Variants in EMX2 observed in about 807,000 individuals in gnomAD.
EMX2 encodes empty spiracles homeobox 2, also known as homeobox protein EMX2.
A neutral mutation model predicts 23.0 loss-of-function variants in EMX2; 6 were observed. That is an observed-to-expected ratio of 0.26 (90% CI 0.14 to 0.52). The LOEUF (loss-of-function observed/expected upper bound fraction) is 0.52. EMX2 is among the 20% of genes least tolerant of loss of function. The pLI, the probability that EMX2 is intolerant of heterozygous loss-of-function variation, is 0.97. For synonymous variants in EMX2, 175 were observed against 153.3 expected, an observed-to-expected ratio of 1.14 and a Z score of -1.04; for missense variants, 302 against 341.4, an observed-to-expected ratio of 0.88 and a Z score of 0.91.
At chr10:117,547,797 C>T (rs1326637155) in intron 2 of EMX2, among the ~76,000 whole-genome samples, 1 of 152,242 alleles carries the variant, frequency 6.6e-6, no homozygotes, top group Middle Eastern at 3.2e-3. Context: ...AGAGATGGGG[C>T]TCAGTGCACT....
At position 117,545,556 on chromosome 10, in the gene EMX2, A is replaced by C. The variant is rs1363430569; in HGVS notation, c.407-76A>C. ...AAGGCCCTGAGCACGGTGCCGGGCCAGCCCGGCTCGGGAGAAGTGCGCGGC... is the reference window on the plus strand; with the variant it reads ...AAGGCCCTGAGCACGGTGCCGGGCCCGCCCGGCTCGGGAGAAGTGCGCGGC... On this transcript the variant is annotated intron_variant, in intron 1 of 2. Transcript: ENST00000553456. 3.8e-6 allele frequency: 6 copies of C among 1,585,832 alleles called. No individual in the cohort carries two copies. In the African/African-American group the frequency reaches 6.7e-5, roughly 18 times the overall value.
chr10:117,545,416 G>A (rs1490171543), intron 1 of EMX2, among the ~76,000 whole-genome samples: 3 of 152,170 alleles, frequency 2.0e-5, no homozygotes, highest in Non-Finnish European at 4.4e-5. Context: ...GCGGCTGGTT[G>A]GGTGCCGCAC....
Position 117,548,684 on chromosome 10 carries a change from G to A in EMX2, c.*452G>A. 1 of 414,110 alleles carries A rather than the reference G, an allele frequency of 2.4e-6. No homozygotes were observed. Among genetic ancestry groups the A allele is most frequent in the Non-Finnish European group, 4.3e-6 (1 of 234,802 alleles). 25.7% of individuals were successfully genotyped at this position (414,110 alleles called of 1,614,324 possible). On this transcript the variant is annotated 3_prime_UTR_variant, in exon 3 of 3. Coordinates refer to ENST00000553456, the MANE Select transcript of EMX2 (RefSeq NM_004098.4). ...CACAGTCCACTTAAAAAATGATGAT[G>A]ATGATAAAAACCACGACCCAACCAG...
chr10:117,548,384 G>A lies in EMX2; in HGVS notation c.*152G>A. The A allele has an allele frequency of 8.1e-7, 1 of 1,242,100 alleles. No individual in the cohort carries two copies. Among genetic ancestry groups the A allele is most frequent in the Non-Finnish European group, 1.1e-6 (1 of 904,448 alleles). 76.9% of individuals were successfully genotyped at this position (1,242,100 alleles called of 1,614,324 possible). On this transcript the variant is annotated 3_prime_UTR_variant, in exon 3 of 3. Coordinates refer to ENST00000553456, the MANE Select transcript of EMX2 (RefSeq NM_004098.4). ...ATCGGAGGGAGCAGCGGAATGCGGC[G>A]AAGACTCTGGACAGCGAGGGCACAG... is the stretch of plus-strand genomic sequence containing the variant.
rs1846618037 is a variant in EMX2 at position 117,548,770 on chromosome 10, T to A, written c.*538T>A. The A allele has an allele frequency of 4.9e-6, 2 of 405,468 alleles. No individual in the cohort carries two copies. Among genetic ancestry groups the A allele is most frequent in the Non-Finnish European group, 8.7e-6 (2 of 230,298 alleles). 25.1% of individuals were successfully genotyped at this position (405,468 alleles called of 1,614,324 possible). On this transcript the variant is annotated 3_prime_UTR_variant, in exon 3 of 3. Transcript: ENST00000553456. ...TTTCCCCCCCATCTTTAAAAATAAT[T>A]AGTAATAAAAAACAAAAATTCCATA...
intron 2 of EMX2, 138 bp downstream of exon 2, chr10:117,545,954 T>A: frequency 8.2e-7 from 1 of 1,225,816 alleles, no homozygotes. Context: ...ACGCCTGGGC[T>A]CGGGATGTAT....
intron 2 of EMX2, among the ~76,000 whole-genome samples, chr10:117,546,727 T>C (rs934307678): frequency 2.6e-5 from 4 of 152,220 alleles, no homozygotes; most frequent in Admixed American, 2.6e-4. Flanking sequence ...GCCTGGAGTC[T>C]TTGTGTGCGT....
intron 1 of EMX2, 149 bp downstream of exon 1, chr10:117,543,822 C>A: frequency 7.9e-7 from 1 of 1,262,162 alleles, no homozygotes; most frequent in Non-Finnish European, 1.1e-6. Flanking sequence ...CTAGGCGGCG[C>A]GGGGCCGGGC....
chr10:117,549,295 G>C lies in EMX2; in HGVS notation c.*1063G>C, dbSNP rs1456130533. On this transcript the variant is annotated 3_prime_UTR_variant, in exon 3 of 3. Coordinates refer to ENST00000553456, the MANE Select transcript of EMX2 (RefSeq NM_004098.4). ...AAATCTATCTATTGCAAAACCTGAA[G>C]GACTGTAGTTAGCGGGGATGATGTT... is the stretch of plus-strand genomic sequence containing the variant. The C allele has an allele frequency of 1.3e-5, 2 of 152,558 alleles. No individual in the cohort carries two copies. Among genetic ancestry groups the C allele is most frequent in the Non-Finnish European group, 2.9e-5 (2 of 68,044 alleles). 9.5% of individuals were successfully genotyped at this position (152,558 alleles called of 1,614,324 possible).
intron 1 of EMX2, chr10:117,545,109 C>G (rs1221297987): frequency 3.3e-5 from 5 of 152,318 alleles, no homozygotes; most frequent in Non-Finnish European, 7.3e-5. Flanking sequence ...GCTTCAACGA[C>G]TCGCCCCGCC....
Position 117,543,445 on chromosome 10 carries a change from G to T in EMX2, c.178G>T (p.Gly60Cys), listed in dbSNP as rs1368207388. 6 of 1,606,688 alleles carry T rather than the reference G, an allele frequency of 3.7e-6. No individual in the cohort carries two copies. The highest frequency in any genetic ancestry group is 5.1e-6 in the Non-Finnish European group (6 of 1,177,304). The change falls in exon 1 of 3, where the codon GGT becomes TGT. Residue 60 changes from glycine (G) to cysteine (C), a missense_variant. By Grantham distance (159) the Gly-to-Cys change is radical. This residue lies in a region of EMX2 where 221 missense variants were observed against 206.8 expected (regional missense o/e 1.07). Coordinates refer to ENST00000553456, the MANE Select transcript of EMX2 (RefSeq NM_004098.4). ...GFHSAAAAAA[G>C]RGVYSNPDLV... ...CCACTCGGCCGCCGCCGCCGCCGCCGGTAGGGGCGTCTACTCCAACCCGGA... is the reference window on the plus strand; with the variant it reads ...CCACTCGGCCGCCGCCGCCGCCGCCTGTAGGGGCGTCTACTCCAACCCGGA...
Position 117,543,191 on chromosome 10 carries a change from C to G in EMX2, c.-77C>G, listed in dbSNP as rs1385410186. 2 of 1,317,674 alleles carry G rather than the reference C, an allele frequency of 1.5e-6. No individual in the cohort carries two copies. Among genetic ancestry groups the G allele is most frequent in the African/African-American group, 3.2e-5 (2 of 61,606 alleles). The allele number at this position is 1,317,674 out of a possible 1,614,324, so 81.6% of individuals were successfully genotyped here. A position where few individuals can be genotyped will look rare whatever the true frequency, so the allele number is the denominator to read the frequency against. On this transcript the variant is annotated 5_prime_UTR_variant, in exon 1 of 3. Transcript: ENST00000553456. ...CCCCAATTCTCGTCCGTCCTCGCCG[C>G]GGGCAGCGGGCGGCGGAGGCAGCGT...
At chr10:117,547,356 C>G (rs1846592286) in intron 2 of EMX2, among the ~76,000 whole-genome samples, 2 of 152,216 alleles carry the variant, frequency 1.3e-5, no homozygotes, top group African/African-American at 4.8e-5. Context: ...AACCCACGGT[C>G]TTTCAGAAGC....
rs1846543352 is a variant in EMX2, at chr10:117,544,288, TGGCGCTCTCGCCGC to T, written c.406+617_406+630del. The T allele has an allele frequency of 1.9e-5, 3 of 153,994 alleles. 1 individual carries two copies. Among genetic ancestry groups the T allele is most frequent in the Admixed American group, 1.9e-4 (3 of 15,600 alleles). The allele number at this position is 153,994 out of a possible 1,614,324, so 9.5% of individuals were successfully genotyped here. A position where few individuals can be genotyped will look rare whatever the true frequency, so the allele number is the denominator to read the frequency against. ...CGTGCGGGAGGAAAGCTCCAGGGCT[TGGCGCTCTCGCCGC>T]GACCTGCTTAATTGGGGCGCCGAGC... On this transcript the variant is annotated intron_variant, in intron 1 of 2. Coordinates refer to ENST00000553456, the MANE Select transcript of EMX2 (RefSeq NM_004098.4).
At chr10:117,547,914 C>A in intron 2 of EMX2, 151 bp from the exon 3 acceptor site, 1 of 1,115,610 alleles carries the variant, frequency 9.0e-7, no homozygotes, top group Admixed American at 2.0e-5. Flanking sequence ...TGAGGGCAGG[C>A]CTTGGGGAGG....
rs746073597 is a variant in EMX2 at position 117,545,740 on chromosome 10, C to G, written c.515C>G (p.Ala172Gly). The G allele has an allele frequency of 1.2e-6, 2 of 1,613,972 alleles. No homozygotes were observed. Among genetic ancestry groups the G allele is most frequent in the Non-Finnish European group, 1.7e-6 (2 of 1,180,052 alleles). ...TCCCAGCTTCTAAGGCTGGAACACG[C>G]CTTTGAGAAGAATCACTACGTGGTG... ...SPSQLLRLEH[A>G]FEKNHYVVGA... Residue 172 changes from alanine to glycine, a missense_variant, in exon 2 of 3, where the codon GCC becomes GGC. Coordinates refer to ENST00000553456, the MANE Select transcript of EMX2 (RefSeq NM_004098.4).
Position 117,543,509 on chromosome 10 carries a change from C to T in EMX2, c.242C>T (p.Pro81Leu). ...GAGGCGGTCTCGCACCCGCCCAACCCCGCCGTGCCAGTGCACCCGGTGCCG... is the reference window on the plus strand; with the variant it reads ...GAGGCGGTCTCGCACCCGCCCAACCTCGCCGTGCCAGTGCACCCGGTGCCG... The part of the protein sequence containing the change: ...FAEAVSHPPN[P>L]AVPVHPVPPP... Residue 81 changes from proline (P) to leucine (L), a missense_variant, in exon 1 of 3, where the codon CCC (proline) becomes CTC (leucine). Pro to Leu is a moderately conservative substitution (Grantham distance 98). Around this residue, in one of 4 missense-constraint regions of EMX2, gnomAD observed 221 missense variants for 206.8 expected, o/e 1.07. Transcript: ENST00000553456. The T allele has an allele frequency of 6.2e-7, 1 of 1,610,292 alleles. No homozygotes were observed. Among genetic ancestry groups the T allele is most frequent in the Non-Finnish European group, 8.5e-7 (1 of 1,178,448 alleles).
In EMX2 at chr10:117,548,399, C is replaced by A. The variant is rs1846610708; in HGVS notation, c.*167C>A. On this transcript the variant is annotated 3_prime_UTR_variant, in exon 3 of 3. Transcript: ENST00000553456. The stretch of plus-strand genomic sequence containing the variant: ...GGAATGCGGCGAAGACTCTGGACAG[C>A]GAGGGCACAGGGTCCCAAACCGAGG... The A allele has an allele frequency of 8.8e-7, 1 of 1,134,092 alleles. No individual in the cohort carries two copies. The highest frequency in any genetic ancestry group is 1.2e-6 in the Non-Finnish European group (1 of 815,634). The allele number at this position is 1,134,092 out of a possible 1,614,324, so 70.3% of individuals were successfully genotyped here. A position where few individuals can be genotyped will look rare whatever the true frequency, so the allele number is the denominator to read the frequency against.
intron 1 of EMX2, chr10:117,545,242 G>T (rs1056524915): frequency 5.2e-6 from 1 of 191,254 alleles, no homozygotes; most frequent in Non-Finnish European, 1.1e-5. Context: ...TTAGAAAGAA[G>T]AGAAAGTAGT....
Sources: gnomAD v4.1 joint callset for allele counts (sites outside exome capture counted in the v4.1 genomes callset) on GRCh38, gnomAD v4.1.1 for gene constraint, gnomAD v4.1.1 regional missense constraint, MANE v1.5 for transcripts, NCBI Gene and HGNC (gene_info 2026-07-23, HGNC 2026-07-21) for gene names.